The following GPC6 variants were observed in gnomAD, a reference collection of about 807,000 sequenced individuals.
GPC6 encodes glypican 6.
GPC6 carries 14 observed loss-of-function variants against 55.2 expected under a neutral mutation model. That is an observed-to-expected ratio of 0.25 (90% CI 0.17 to 0.40). The LOEUF is 0.40. Among genes scored for constraint, GPC6 ranks in the 10% least tolerant of loss-of-function variants. The pLI, the probability that GPC6 is intolerant of heterozygous loss-of-function variation, is 1.00. For synonymous variants in GPC6, 278 were observed against 259.6 expected (o/e 1.07, Z -0.68); for missense variants, 641 against 708.5 (o/e 0.90, Z 1.08).
At chr13:93,762,363 T>C (rs1884982286) in intron 2 of GPC6, among the ~76,000 whole-genome samples, 1 of 152,212 alleles carries the variant, frequency 6.6e-6, no homozygotes, top group Admixed American at 6.5e-5. Context: ...ATGTCTGCTA[T>C]TGGAAGCATA....
At chr13:94,266,375 A>C (rs1484123119) in intron 4 of GPC6, among the ~76,000 whole-genome samples, 3 of 152,000 alleles carry the variant, frequency 2.0e-5, no homozygotes, top group Non-Finnish European at 2.9e-5. Context: ...TCACTGTGTT[A>C]GCCAGGATGG....
intron 3 of GPC6, among the ~76,000 whole-genome samples, chr13:93,849,874 C>A (rs942506559): frequency 6.6e-6 from 1 of 151,836 alleles, no homozygotes; most frequent in African/African-American, 2.4e-5. Flanking sequence ...ACATTTTTAC[C>A]GTGAATTATT....
chr13:93,616,731 A>G (rs148147543), intron 2 of GPC6, among the ~76,000 whole-genome samples: 2,528 of 152,238 alleles, frequency 0.017, 37 homozygotes, highest in Middle Eastern at 0.027. Flanking sequence ...ATGAATACCC[A>G]TAGATTAAAG....
chr13:94,218,941 C>T lies in GPC6; in HGVS notation c.878-67408C>T, dbSNP rs142919511. ...TTACTCTGGAAGACACCTGGAGAAA[C>T]GCTATAGTATTTAAAAAATTCCTGA... On this transcript the variant is annotated intron_variant, in intron 4 of 8. Coordinates refer to ENST00000377047, the MANE Select transcript of GPC6 (RefSeq NM_005708.5). Among the ~76,000 whole-genome samples, 14 of 152,152 alleles carry T rather than the reference C, an allele frequency of 9.2e-5. No individual in the cohort carries two copies. The South Asian group carries it at 2.1e-3, about 23-fold the overall frequency.
intron 4 of GPC6, among the ~76,000 whole-genome samples, chr13:94,133,267 CA>C (rs66499161): frequency 0.57 from 48,388 of 85,204 alleles, 9,990 homozygotes; most frequent in East Asian, 0.69. Flanking sequence ...TGACCAGTGA[CA>C]AAAAAAAAAA....
intron 3 of GPC6, among the ~76,000 whole-genome samples, chr13:93,993,832 C>A (rs9524304): frequency 0.13 from 19,315 of 152,064 alleles, 1,448 homozygotes; most frequent in East Asian, 0.27. Context: ...GGGAAAATTT[C>A]TTTTGGCTAA....
chr13:93,920,906 C>A (rs1016740312), intron 3 of GPC6, among the ~76,000 whole-genome samples: 5 of 152,138 alleles, frequency 3.3e-5, no homozygotes, highest in African/African-American at 1.2e-4. Context: ...AGCCTTAGGT[C>A]CCTCCATGTT....
intron 4 of GPC6, among the ~76,000 whole-genome samples, chr13:94,252,396 T>C (rs1180190414): frequency 1.3e-5 from 2 of 152,154 alleles, no homozygotes; most frequent in African/African-American, 4.8e-5. Context: ...ATGTCTGTTT[T>C]TGTTAGGCTG....
chr13:93,694,363 C>T (rs1246814176), intron 2 of GPC6, among the ~76,000 whole-genome samples: 1 of 152,112 alleles, frequency 6.6e-6, no homozygotes, highest in Non-Finnish European at 1.5e-5. Flanking sequence ...TAAGGATTTC[C>T]TTATAGTTCA....
intron 2 of GPC6, among the ~76,000 whole-genome samples, chr13:93,586,907 A>T (rs1443134231): frequency 6.6e-6 from 1 of 152,132 alleles, no homozygotes; most frequent in Non-Finnish European, 1.5e-5. Context: ...TATATGTTTC[A>T]TGGTGAAATG....
intron 1 of GPC6, among the ~76,000 whole-genome samples, chr13:93,237,546 G>T (rs1441403546): frequency 2.0e-5 from 3 of 151,920 alleles, no homozygotes; most frequent in Non-Finnish European, 4.4e-5. Context: ...TATTTCCTTT[G>T]CTATGCAGAA....
At chr13:93,364,381 A>C (rs79155393) in intron 1 of GPC6, among the ~76,000 whole-genome samples, 2,382 of 152,182 alleles carry the variant, frequency 0.016, 51 homozygotes, top group African/African-American at 0.051. Context: ...AGAAAATCAC[A>C]ATGATGCACG....
chr13:94,306,833 T>C (rs1875971701), intron 6 of GPC6, among the ~76,000 whole-genome samples: 1 of 152,244 alleles, frequency 6.6e-6, no homozygotes, highest in Admixed American at 6.5e-5. Context: ...TTTAATTCAA[T>C]TTCTTCCATT....
chr13:93,938,111 C>A (rs550937101), intron 3 of GPC6, among the ~76,000 whole-genome samples: 1 of 152,208 alleles, frequency 6.6e-6, no homozygotes, highest in African/African-American at 2.4e-5. Context: ...CTTGGCAATG[C>A]AAGTTTATTC....
chr13:93,271,576 A>G (rs1388061241), intron 1 of GPC6, among the ~76,000 whole-genome samples: 1 of 152,180 alleles, frequency 6.6e-6, no homozygotes, highest in East Asian at 1.9e-4. Context: ...TATGACTGGA[A>G]AGGGACTGTA....
intron 4 of GPC6, among the ~76,000 whole-genome samples, chr13:94,069,044 T>C (rs1257734996): frequency 6.6e-6 from 1 of 152,206 alleles, no homozygotes; most frequent in Non-Finnish European, 1.5e-5. Context: ...ATTTCCCTTC[T>C]GCACTGCCCT....
intron 2 of GPC6, among the ~76,000 whole-genome samples, chr13:93,619,581 A>G (rs895536660): frequency 2.6e-5 from 4 of 152,060 alleles, no homozygotes; most frequent in African/African-American, 9.7e-5. Flanking sequence ...CCACTTGAGA[A>G]GCTAAGACTC....
At chr13:93,788,658 C>A (rs931075030) in intron 2 of GPC6, among the ~76,000 whole-genome samples, 2 of 151,902 alleles carry the variant, frequency 1.3e-5, no homozygotes, top group African/African-American at 4.8e-5. Flanking sequence ...GCAGTTACAA[C>A]GCCACATTGT....
chr13:94,349,849 A>G (rs1878453900), intron 6 of GPC6, among the ~76,000 whole-genome samples: 1 of 152,098 alleles, frequency 6.6e-6, no homozygotes, highest in Non-Finnish European at 1.5e-5. Flanking sequence ...TTAACTATGT[A>G]TCTATCTGTC....
Sources: allele counts gnomAD v4.1 joint callset (sites outside exome capture counted in the v4.1 genomes callset), GRCh38; gene constraint gnomAD v4.1.1; transcripts MANE v1.5; gene names NCBI Gene and HGNC (gene_info 2026-07-23, HGNC 2026-07-21).